HIF1A: variants seen among roughly 807,000 people sequenced by gnomAD.
The protein encoded by HIF1A is hypoxia-inducible factor 1-alpha.
A neutral mutation model predicts 92.7 loss-of-function variants in HIF1A; 24 were observed. That is an observed-to-expected ratio of 0.26 (90% CI 0.19 to 0.36). The LOEUF is 0.36. Among genes scored for constraint, HIF1A ranks in the 10% least tolerant of loss-of-function variants. The pLI, the probability that HIF1A is intolerant of heterozygous loss-of-function variation, is 1.00. For synonymous variants in HIF1A, 319 were observed against 338.7 expected (o/e 0.94, Z 0.64); for missense variants, 799 against 998.5 (o/e 0.80, Z 2.69).
At chr14:61,741,352 TTC>T (rs2044709392) in intron 12 of HIF1A, among the ~76,000 whole-genome samples, 164 bp downstream of exon 12, 1 of 119,550 alleles carries the variant, frequency 8.4e-6, no homozygotes, top group South Asian at 2.9e-4. Context: ...CATATATTTT[TTC>T]TTTTTCTTTC....
rs550782097 is a variant in HIF1A, at chr14:61,708,585, G to C, written c.36-11797G>C. Among the ~76,000 whole-genome samples the C allele has an allele frequency of 2.1e-3, 317 of 149,944 alleles. 2 individuals are homozygous for C. The highest frequency in any genetic ancestry group is 7.2e-3 in the African/African-American group (299 of 41,370). On this transcript the variant is annotated intron_variant, in intron 1 of 14. Coordinates refer to ENST00000337138, the MANE Select transcript of HIF1A (RefSeq NM_001530.4). ...AATCCTTTCCCCATTTCTTGTTTTT[G>C]TCAGGTTTGTCAAAGATCAGATGGT...
chr14:61,735,593 G>C (rs1246103667), intron 8 of HIF1A, among the ~76,000 whole-genome samples: 1 of 152,158 alleles, frequency 6.6e-6, no homozygotes, highest in Admixed American at 6.5e-5. Flanking sequence ...TTAAGGTCAA[G>C]GGTTGGCTAT....
In HIF1A at chr14:61,738,101, G is replaced by A; in HGVS notation, c.1264G>A (p.Asp422Asn). 6.3e-7 allele frequency: 1 copy of A among 1,599,634 alleles called. No homozygotes were observed. Among genetic ancestry groups the A allele is most frequent in the Non-Finnish European group, 8.5e-7 (1 of 1,173,508 alleles). Residue 422 changes from aspartate to asparagine, a missense_variant, in exon 10 of 15, where the codon GAC (aspartate) becomes AAC (asparagine). By Grantham distance (23) the Asp-to-Asn change is conservative. Coordinates refer to ENST00000337138, the MANE Select transcript of HIF1A (RefSeq NM_001530.4). The stretch of plus-strand genomic sequence containing the variant: ...TTTCCCCACAGACACAGAAACTGAT[G>A]ACCAGCAACTTGAGGAAGTACCATT... ...DFGSNDTETD[D>N]QQLEEVPLYN...
chr14:61,708,015 G>C (rs1485143432), intron 1 of HIF1A, among the ~76,000 whole-genome samples: 2 of 151,708 alleles, frequency 1.3e-5, no homozygotes, highest in African/African-American at 4.8e-5. Flanking sequence ...GGTGTGAGAT[G>C]GTATCTCATT....
chr14:61,703,336 A>G (rs2044198477), intron 1 of HIF1A, among the ~76,000 whole-genome samples: 1 of 152,200 alleles, frequency 6.6e-6, no homozygotes, highest in African/African-American at 2.4e-5. Flanking sequence ...TGATAAGTAT[A>G]TTAGGATTCT....
At chr14:61,737,224 A>T in intron 9 of HIF1A, 115 bp downstream of exon 9, 1 of 687,952 alleles carries the variant, frequency 1.5e-6, no homozygotes, top group Non-Finnish European at 2.4e-6. Context: ...ACAAGCTAAT[A>T]TATGTTTATA....
intron 1 of HIF1A, among the ~76,000 whole-genome samples, chr14:61,698,322 A>G (rs1278292540): frequency 6.6e-6 from 1 of 152,240 alleles, no homozygotes; most frequent in East Asian, 1.9e-4. Flanking sequence ...ATCTAGAGGC[A>G]GATACCTCTG....
chr14:61,696,641 AAATG>A lies in HIF1A; in HGVS notation c.35+806_35+809del, dbSNP rs571550483. On this transcript the variant is annotated intron_variant, in intron 1 of 14. Transcript: ENST00000337138. ...CCTGTCACGAGAACGCAGATATTAT[AAATG>A]AATATATGCCTCATTCATTCTTCAA... Among the ~76,000 whole-genome samples, 283 of 152,310 alleles carry A rather than the reference AAATG, an allele frequency of 1.9e-3. 1 individual carries two copies. Among genetic ancestry groups the A allele is most frequent in the African/African-American group, 6.7e-3 (277 of 41,576 alleles).
intron 1 of HIF1A, among the ~76,000 whole-genome samples, 200 bp from the exon 2 acceptor site, chr14:61,720,182 A>G (rs970150356): frequency 4.6e-5 from 7 of 152,234 alleles, no homozygotes; most frequent in Non-Finnish European, 8.8e-5. Flanking sequence ...AGAGTTCCTT[A>G]TGTGTGCAGT....
chr14:61,704,102 A>G (rs1413756991), intron 1 of HIF1A, among the ~76,000 whole-genome samples: 1 of 152,204 alleles, frequency 6.6e-6, no homozygotes, highest in Non-Finnish European at 1.5e-5. Context: ...TTGTTATGAG[A>G]ATGAAATGAT....
At chr14:61,736,125 T>C (rs2044634335) in intron 8 of HIF1A, among the ~76,000 whole-genome samples, 1 of 151,856 alleles carries the variant, frequency 6.6e-6, no homozygotes, top group Non-Finnish European at 1.5e-5. Flanking sequence ...ACTACAGGTG[T>C]GCACCACCAC....
At chr14:61,709,638 T>C (rs1473184256) in intron 1 of HIF1A, among the ~76,000 whole-genome samples, 1 of 152,206 alleles carries the variant, frequency 6.6e-6, no homozygotes, top group African/African-American at 2.4e-5. Flanking sequence ...CCAAGAAATT[T>C]AGTTGCTTTC....
In HIF1A at chr14:61,708,025, T is replaced by G. The variant is rs1444142914; in HGVS notation, c.35+12186T>G. On this transcript the variant is annotated intron_variant, in intron 1 of 14. Transcript: ENST00000337138. ...TAACTGGTGTGAGATGGTATCTCAT[T>G]GTGGTTTTGATTTGCATTTCTCTGA... Among the ~76,000 whole-genome samples the G allele has an allele frequency of 3.9e-5, 6 of 152,122 alleles. No homozygotes were observed. The East Asian group carries it at 1.2e-3, about 29-fold the overall frequency.
At chr14:61,736,605 C>T (rs1396826406) in intron 8 of HIF1A, among the ~76,000 whole-genome samples, 3 of 152,158 alleles carry the variant, frequency 2.0e-5, no homozygotes, top group Non-Finnish European at 4.4e-5. Context: ...TGGGTTATCT[C>T]ACTTAGGATA....
intron 7 of HIF1A, among the ~76,000 whole-genome samples, chr14:61,733,311 C>T (rs1371088319): frequency 2.0e-5 from 3 of 152,190 alleles, no homozygotes; most frequent in African/African-American, 7.2e-5. Flanking sequence ...GTCTCGAACT[C>T]CTGACCTCAG....
At chr14:61,717,039 A>G (rs1031523116) in intron 1 of HIF1A, 2 of 152,242 alleles carry the variant, frequency 1.3e-5, no homozygotes, top group African/African-American at 4.8e-5. Context: ...AACAGATGCA[A>G]TTTATAAAAT....
intron 4 of HIF1A, 49 bp downstream of exon 4, chr14:61,721,872 A>G: frequency 1.6e-6 from 2 of 1,260,172 alleles, no homozygotes; most frequent in African/African-American, 1.5e-5. Context: ...GTTTTACATA[A>G]TAAGATACTA....
At chr14:61,702,660 A>G (rs1443802635) in intron 1 of HIF1A, among the ~76,000 whole-genome samples, 1 of 152,160 alleles carries the variant, frequency 6.6e-6, no homozygotes, top group Non-Finnish European at 1.5e-5. Context: ...TACCATTTAA[A>G]TAGGAGTTCC....
intron 10 of HIF1A, among the ~76,000 whole-genome samples, chr14:61,739,290 A>G (rs945942317): frequency 2.6e-5 from 4 of 152,222 alleles, no homozygotes; most frequent in Non-Finnish European, 1.5e-5. Flanking sequence ...AATAATCTTT[A>G]AAGGCTAGGC....
Sources: allele counts gnomAD v4.1 joint callset (sites outside exome capture counted in the v4.1 genomes callset), GRCh38; gene constraint gnomAD v4.1.1; transcripts MANE v1.5; gene names NCBI Gene and HGNC (gene_info 2026-07-23, HGNC 2026-07-21).